RRAGB: variants seen among roughly 807,000 people sequenced by gnomAD.
RRAGB encodes Ras related GTP binding B, also known as ras-related GTP-binding protein B.
RRAGB carries 6 observed loss-of-function variants against 29.3 expected under a neutral mutation model. The ratio of observed to expected loss-of-function variants is 0.21; its 90% CI spans 0.11 to 0.40. The LOEUF is 0.40. Ranked by LOEUF, RRAGB falls within the 10% of genes least tolerant of loss-of-function variation. The pLI, the probability that RRAGB is intolerant of heterozygous loss-of-function variation, is 1.00. For missense variants in RRAGB, 184 were observed against 272.9 expected, an observed-to-expected ratio of 0.67 and a Z score of 2.29; for synonymous variants, 101 against 92.5, an observed-to-expected ratio of 1.09 and a Z score of -0.53.
rs1038283987 is a variant in RRAGB, at chrX:55,739,846, T to C, written c.516+8260T>C. Among the ~76,000 whole-genome samples the C allele has an allele frequency of 1.2e-4, 13 of 112,621 alleles. No homozygotes were observed. The South Asian group carries it at 4.4e-3, about 38-fold the overall frequency. On this transcript the variant is annotated intron_variant, in intron 5 of 9. Coordinates refer to ENST00000374941, the MANE Select transcript of RRAGB (RefSeq NM_006064.5). Reference sequence around the variant, plus strand: ...AAAAAATCACTTTTGATTAATCATCTTATTATTTTCTAAATGCGTATATAA... The same window carrying C: ...AAAAAATCACTTTTGATTAATCATCCTATTATTTTCTAAATGCGTATATAA...
At position 55,729,338 on chromosome X, in the gene RRAGB, T is replaced by C. The variant is rs1292020775; in HGVS notation, c.271T>C (p.Leu91=). 13 of 1,200,385 alleles carry C rather than the reference T, an allele frequency of 1.1e-5. No homozygotes were observed. The highest frequency in any genetic ancestry group is 1.5e-5 in the Non-Finnish European group (13 of 885,523). ...TGTTCGATTTCTGGGAAACCTGGTATTGAACCTGTGGGATTGTGGTGGGTA... is the reference window on the plus strand; with the variant it reads ...TGTTCGATTTCTGGGAAACCTGGTACTGAACCTGTGGGATTGTGGTGGGTA... The part of the protein sequence containing the change: ...SHVRFLGNLV[L]NLWDCGGQDT... The change falls in exon 4 of 10, where the codon TTG becomes CTG. Residue 91 remains leucine (L), a synonymous_variant. Coordinates refer to ENST00000374941, the MANE Select transcript of RRAGB (RefSeq NM_006064.5).
At chrX:55,731,001 A>T (rs906424627) in intron 4 of RRAGB, among the ~76,000 whole-genome samples, 2 of 110,762 alleles carry the variant, frequency 1.8e-5, no homozygotes, top group Non-Finnish European at 3.8e-5. Flanking sequence ...AGTGAACAGC[A>T]TGTGTAAAGG....
intron 6 of RRAGB, 161 bp downstream of exon 6, chrX:55,751,357 T>C: frequency 2.6e-6 from 1 of 378,330 alleles, no homozygotes; most frequent in Non-Finnish European, 4.5e-6. Flanking sequence ...AATATCAAAC[T>C]TAACATTAAG....
chrX:55,736,133 T>A (rs1233540330), intron 5 of RRAGB, among the ~76,000 whole-genome samples: 1 of 112,072 alleles, frequency 8.9e-6, no homozygotes, highest in Non-Finnish European at 1.9e-5. Context: ...CTTCTTGTAT[T>A]TGGATGTCTA....
At chrX:55,729,159 A>G (rs956401430) in intron 3 of RRAGB, 135 bp from the exon 4 acceptor site, 6 of 465,508 alleles carry the variant, frequency 1.3e-5, no homozygotes, top group Non-Finnish European at 2.2e-5. Context: ...ACTCAGCTGA[A>G]AATCACCTTC....
intron 2 of RRAGB, among the ~76,000 whole-genome samples, chrX:55,720,770 G>T (rs141069203): frequency 2.7e-5 from 3 of 110,803 alleles, no homozygotes; most frequent in East Asian, 2.8e-4. Context: ...GGGCTCAGGT[G>T]GGGTGGCTGA....
At chrX:55,723,025 A>C (rs183561634) in intron 3 of RRAGB, among the ~76,000 whole-genome samples, 214 of 111,510 alleles carry the variant, frequency 1.9e-3, no homozygotes, top group Middle Eastern at 4.6e-3. Flanking sequence ...CATTTTAAAA[A>C]CACAGTATGT....
intron 5 of RRAGB, among the ~76,000 whole-genome samples, chrX:55,735,243 G>A (rs183404349): frequency 8.9e-6 from 1 of 111,962 alleles, no homozygotes; most frequent in African/African-American, 3.2e-5. Flanking sequence ...TAATTGTATT[G>A]CTTTCTATCT....
intron 3 of RRAGB, among the ~76,000 whole-genome samples, chrX:55,726,459 G>A (rs1426470472): frequency 9.0e-6 from 1 of 111,511 alleles, no homozygotes; most frequent in Non-Finnish European, 1.9e-5. Flanking sequence ...GTAATATGGA[G>A]GATAGATTGG....
intron 9 of RRAGB, 116 bp downstream of exon 9, chrX:55,757,447 A>C (rs2034686650): frequency 5.6e-6 from 2 of 358,784 alleles, no homozygotes; most frequent in Non-Finnish European, 9.9e-6. Context: ...ATGGTTACAT[A>C]ACAATGTGAG....
chrX:55,728,070 G>C (rs2033545415), intron 3 of RRAGB, among the ~76,000 whole-genome samples: 1 of 110,965 alleles, frequency 9.0e-6, no homozygotes, highest in Non-Finnish European at 1.9e-5. Context: ...GAATAGAGGG[G>C]AGGGAAGTGT....
At chrX:55,754,022 G>A (rs1235505073) in intron 7 of RRAGB, among the ~76,000 whole-genome samples, 2 of 112,006 alleles carry the variant, frequency 1.8e-5, no homozygotes, top group African/African-American at 6.5e-5. Flanking sequence ...TCCAGCCTGG[G>A]CAACAAGAGC....
At position 55,735,204 on chromosome X, in the gene RRAGB, T is replaced by C. The variant is rs1010400567; in HGVS notation, c.516+3618T>C. ...TCCGCCACAATGATCTATCCAGTGCTGTCCATGGCGTGTTGTAGTCCTCCA... is the reference window on the plus strand; with the variant it reads ...TCCGCCACAATGATCTATCCAGTGCCGTCCATGGCGTGTTGTAGTCCTCCA... On this transcript the variant is annotated intron_variant, in intron 5 of 9. Coordinates refer to ENST00000374941, the MANE Select transcript of RRAGB (RefSeq NM_006064.5). 4.5e-5 allele frequency among the ~76,000 whole-genome samples: 5 copies of C among 112,205 alleles called. No homozygotes were observed. In the East Asian group the frequency reaches 1.4e-3, roughly 31 times the overall value.
At chrX:55,745,786 G>A (rs1416390612) in intron 5 of RRAGB, among the ~76,000 whole-genome samples, 1 of 112,297 alleles carries the variant, frequency 8.9e-6, no homozygotes, top group Non-Finnish European at 1.9e-5. Flanking sequence ...TCTGCCAGTT[G>A]TTGAGCATGT....
At chrX:55,745,789 G>C (rs2034224737) in intron 5 of RRAGB, among the ~76,000 whole-genome samples, 1 of 112,190 alleles carries the variant, frequency 8.9e-6, no homozygotes, top group South Asian at 3.7e-4. Flanking sequence ...GCCAGTTGTT[G>C]AGCATGTCTG....
intron 3 of RRAGB, among the ~76,000 whole-genome samples, chrX:55,723,443 A>G (rs1316183079): frequency 1.6e-4 from 16 of 98,437 alleles, no homozygotes; most frequent in Admixed American, 8.7e-4. Flanking sequence ...TGCCTGGCCT[A>G]TTTCTTTTTT....
At chrX:55,736,568 A>G (rs1423836115) in intron 5 of RRAGB, among the ~76,000 whole-genome samples, 3 of 112,073 alleles carry the variant, frequency 2.7e-5, no homozygotes, top group Non-Finnish European at 5.6e-5. Context: ...TGTTGCCAGA[A>G]TCATTTTTCT....
intron 5 of RRAGB, among the ~76,000 whole-genome samples, chrX:55,746,023 C>T (rs1430340556): frequency 1.8e-5 from 2 of 111,152 alleles, no homozygotes; most frequent in Admixed American, 1.9e-4. Flanking sequence ...CTGTAACGCA[C>T]AGTCACCCTG....
At chrX:55,736,641 C>T (rs1354019419) in intron 5 of RRAGB, among the ~76,000 whole-genome samples, 1 of 111,730 alleles carries the variant, frequency 9.0e-6, no homozygotes, top group Non-Finnish European at 1.9e-5. Flanking sequence ...TCTGATTTTA[C>T]TGGGTTTTTA....
Sources: gnomAD v4.1 joint callset for allele counts (sites outside exome capture counted in the v4.1 genomes callset) on GRCh38, gnomAD v4.1.1 for gene constraint, MANE v1.5 for transcripts, NCBI Gene and HGNC (gene_info 2026-07-23, HGNC 2026-07-21) for gene names.